Variants in PHACTR2 observed in about 807,000 individuals in gnomAD.
PHACTR2 encodes chromosome 6 open reading frame 56.
Under a neutral mutation model 76.0 loss-of-function variants are expected in PHACTR2, and 30 were observed. The ratio of observed to expected loss-of-function variants is 0.39; its 90% CI spans 0.30 to 0.54. PHACTR2 has a LOEUF of 0.54. Ranked by LOEUF, PHACTR2 falls within the 20% of genes least tolerant of loss-of-function variation. The pLI is 0.61. For missense variants in PHACTR2, 696 were observed against 781.1 expected, an observed-to-expected ratio of 0.89 and a Z score of 1.30; for synonymous variants, 292 against 292.5, an observed-to-expected ratio of 1.00 and a Z score of 0.02.
chr6:143,659,088 C>A lies in PHACTR2; in HGVS notation c.13+50766C>A, dbSNP rs1383014349. Among the ~76,000 whole-genome samples the A allele has an allele frequency of 6.6e-6, 1 of 151,466 alleles. No individual in the cohort carries two copies. The highest frequency in any genetic ancestry group is 1.5e-5 in the Non-Finnish European group (1 of 67,926). On this transcript the variant is annotated intron_variant, in intron 1 of 11. Coordinates refer to the PHACTR2 transcript ENST00000305766. The surrounding 1 kb of genome is among the most constrained non-coding windows in gnomAD (Gnocchi z 5.0). ...GGACACTTACCATGAATGGAGCTTG[C>A]AGGACTGGAGGTTGCCCTAGGTAAG...
intron 1 of PHACTR2, among the ~76,000 whole-genome samples, chr6:143,552,544 G>C (rs965127532): frequency 6.6e-6 from 1 of 152,168 alleles, no homozygotes; most frequent in African/African-American, 2.4e-5. Context: ...ATGATCTTCT[G>C]TGCTCAGACA....
rs1779582561 is a variant in PHACTR2, at chr6:143,767,255, T to C, written c.1232+1457T>C. On this transcript the variant is annotated intron_variant, in intron 6 of 12. Coordinates refer to ENST00000440869, the MANE Select transcript of PHACTR2 (RefSeq NM_001100164.2). The surrounding 1 kb of genome is among the most constrained non-coding windows in gnomAD (Gnocchi z 4.4). Reference sequence around the variant, plus strand: ...AAATAGTTTGCACCAGACTGCCCAGTTGGTGGTGGTGAAGCCAGAATGCAT... The same window carrying C: ...AAATAGTTTGCACCAGACTGCCCAGCTGGTGGTGGTGAAGCCAGAATGCAT... Among the ~76,000 whole-genome samples the C allele has an allele frequency of 6.6e-6, 1 of 152,154 alleles. No homozygotes were observed. The highest frequency in any genetic ancestry group is 2.1e-4 in the South Asian group (1 of 4,824).
rs1175230070 is a variant in PHACTR2 at position 143,627,377 on chromosome 6, T to C, written c.13+19055T>C. ...ATCTTGACTAATTTAAAAAAATTTG[T>C]GGAACACAGATATTTTATACCATTT... On this transcript the variant is annotated intron_variant, in intron 1 of 11. Transcript: ENST00000305766. The surrounding 1 kb of genome is among the most constrained non-coding windows in gnomAD (Gnocchi z 4.3). Among the ~76,000 whole-genome samples, 1 of 152,250 alleles carries C rather than the reference T, an allele frequency of 6.6e-6. No homozygotes were observed. The highest frequency in any genetic ancestry group is 6.5e-5 in the Admixed American group (1 of 15,290).
rs1357340469 is a variant in PHACTR2 at position 143,743,297 on chromosome 6, G to T, written c.215-5688G>T. Among the ~76,000 whole-genome samples, 2 of 152,152 alleles carry T rather than the reference G, an allele frequency of 1.3e-5. No homozygotes were observed. The highest frequency in any genetic ancestry group is 2.9e-5 in the Non-Finnish European group (2 of 68,016). On this transcript the variant is annotated intron_variant, in intron 2 of 12. Coordinates refer to ENST00000440869, the MANE Select transcript of PHACTR2 (RefSeq NM_001100164.2). This position sits in a 1 kb window ranked among gnomAD's most constrained non-coding sequence, Gnocchi z 5.0. ...AAAGTTTGACTTTAACACCAGGCTTGCAAAAAAGAGATGGAAGGAAAGTGA... is the reference window on the plus strand; with the variant it reads ...AAAGTTTGACTTTAACACCAGGCTTTCAAAAAAGAGATGGAAGGAAAGTGA...
intron 1 of PHACTR2, among the ~76,000 whole-genome samples, chr6:143,640,346 A>G (rs947733969): frequency 2.6e-5 from 4 of 152,238 alleles, no homozygotes; most frequent in African/African-American, 9.6e-5. Flanking sequence ...TTCCAGAAGA[A>G]GACACAAAAG....
At position 143,710,266 on chromosome 6, in the gene PHACTR2, C is replaced by A. The variant is rs991149178; in HGVS notation, c.47-1750C>A. 2.6e-5 allele frequency among the ~76,000 whole-genome samples: 4 copies of A among 152,182 alleles called. No individual in the cohort carries two copies. Among genetic ancestry groups the A allele is most frequent in the Non-Finnish European group, 5.9e-5 (4 of 68,042 alleles). ...GCAAAAAGAAAACCCAGGAATCTCA[C>A]CACCGTGTTGTTTCTTGGGTTCTGA... is the stretch of plus-strand genomic sequence containing the variant. On this transcript the variant is annotated intron_variant, in intron 1 of 12. Coordinates refer to ENST00000440869, the MANE Select transcript of PHACTR2 (RefSeq NM_001100164.2). This position sits in a 1 kb window ranked among gnomAD's most constrained non-coding sequence, Gnocchi z 4.9.
rs1403337899 is a variant in PHACTR2, at chr6:143,827,156, ATATATATATATATATATAT to A, written c.*3468_*3486del. On this transcript the variant is annotated 3_prime_UTR_variant, in exon 13 of 13. Transcript: ENST00000440869. The stretch of plus-strand genomic sequence containing the variant: ...GGCTGCGTTGGCATTAAAAAAGAAA[ATATATATATATATATATAT>A]ATATATATATATATATATATATATG... The A allele has an allele frequency of 9.3e-4, 17 of 18,362 alleles. No homozygotes were observed. Among genetic ancestry groups the A allele is most frequent in the Admixed American group, 2.4e-3 (3 of 1,258 alleles). The allele number at this position is 18,362 out of a possible 1,614,324, so 1.1% of individuals were successfully genotyped here.
Position 143,550,387 on chromosome 6 carries a change from A to G in PHACTR2, c.217+13180A>G, listed in dbSNP as rs977843868. Among the ~76,000 whole-genome samples, 2 of 151,964 alleles carry G rather than the reference A, an allele frequency of 1.3e-5. No homozygotes were observed. Among genetic ancestry groups the G allele is most frequent in the African/African-American group, 4.8e-5 (2 of 41,422 alleles). ...TAAGGACTGATTCCTTATAGCACTG[A>G]TGTACCTCAACATCCCATCCATGGA... On this transcript the variant is annotated intron_variant, in intron 1 of 11. Transcript: ENST00000367584. This position sits in a 1 kb window ranked among gnomAD's most constrained non-coding sequence, Gnocchi z 4.8.
chr6:143,652,039 T>A lies in PHACTR2; in HGVS notation c.13+43717T>A, dbSNP rs764448090. ...CATCTTGGATTTCTAGCCTCCAGCC[T>A]GAGAAATTAAAGTTCTGTTGTTTAA... On this transcript the variant is annotated intron_variant, in intron 1 of 11. Coordinates refer to the PHACTR2 transcript ENST00000305766. The surrounding 1 kb of genome is among the most constrained non-coding windows in gnomAD (Gnocchi z 4.5). Among the ~76,000 whole-genome samples the A allele has an allele frequency of 2.1e-5, 3 of 145,738 alleles. No individual in the cohort carries two copies. The highest frequency in any genetic ancestry group is 4.5e-5 in the Non-Finnish European group (3 of 66,918).
intron 1 of PHACTR2, among the ~76,000 whole-genome samples, chr6:143,565,654 G>A (rs1775353899): frequency 6.6e-6 from 1 of 152,016 alleles, no homozygotes; most frequent in South Asian, 2.1e-4. Context: ...CATGGAGCAG[G>A]GGCATTAGGT....
At chr6:143,768,812 A>C (rs1299776047) in intron 6 of PHACTR2, among the ~76,000 whole-genome samples, 1 of 152,200 alleles carries the variant, frequency 6.6e-6, no homozygotes, top group African/African-American at 2.4e-5. Context: ...GGTAGTTATA[A>C]TGCTTTCCTA....
chr6:143,640,821 C>A (rs1776551118), intron 1 of PHACTR2, among the ~76,000 whole-genome samples: 1 of 152,080 alleles, frequency 6.6e-6, no homozygotes, highest in African/African-American at 2.4e-5. Context: ...AAAAAAAGAC[C>A]TTTACAGGTG....
In PHACTR2 at chr6:143,788,232, T is replaced by C. The variant is rs549566034; in HGVS notation, c.1708-541T>C. ...TTTCTGGCCAAGGGCATGTGTCTGATTGGGGTCTTGTCCTTATTATGAATA... is the reference window on the plus strand; with the variant it reads ...TTTCTGGCCAAGGGCATGTGTCTGACTGGGGTCTTGTCCTTATTATGAATA... On this transcript the variant is annotated intron_variant, in intron 10 of 12. Coordinates refer to ENST00000440869, the MANE Select transcript of PHACTR2 (RefSeq NM_001100164.2). Among the ~76,000 whole-genome samples the C allele has an allele frequency of 3.9e-5, 6 of 152,358 alleles. No individual in the cohort carries two copies. The South Asian group carries it at 1.0e-3, about 26-fold the overall frequency.
At position 143,823,617 on chromosome 6, in the gene PHACTR2, C is replaced by G; in HGVS notation, c.1923-57C>G. The G allele has an allele frequency of 7.0e-7, 1 of 1,434,396 alleles. No homozygotes were observed. Among genetic ancestry groups the G allele is most frequent in the Non-Finnish European group, 9.8e-7 (1 of 1,017,850 alleles). 88.9% of individuals were successfully genotyped at this position (1,434,396 alleles called of 1,614,324 possible). ...ACATGACCACGCCTTATTCAGCTCA[C>G]TGCATGCAGAATGTGCTCCTAGGCC... On this transcript the variant is annotated intron_variant, in intron 12 of 12. Transcript: ENST00000440869. The surrounding 1 kb of genome is among the most constrained non-coding windows in gnomAD (Gnocchi z 5.7).
rs2128460197 is a variant in PHACTR2 at position 143,708,351 on chromosome 6, T to C, written c.47-3665T>C. Among the ~76,000 whole-genome samples the C allele has an allele frequency of 6.6e-6, 1 of 152,352 alleles. No homozygotes were observed. Among genetic ancestry groups the C allele is most frequent in the African/African-American group, 2.4e-5 (1 of 41,586 alleles). ...TCTACATTTGATTAGCTAATGACTGTATTTCAAAATATGCTGTGTTTTAAA... is the reference window on the plus strand; with the variant it reads ...TCTACATTTGATTAGCTAATGACTGCATTTCAAAATATGCTGTGTTTTAAA... On this transcript the variant is annotated intron_variant, in intron 1 of 12. Transcript: ENST00000440869. The surrounding 1 kb of genome is among the most constrained non-coding windows in gnomAD (Gnocchi z 5.5).
intron 1 of PHACTR2, among the ~76,000 whole-genome samples, chr6:143,692,182 G>A (rs896581788): frequency 2.0e-5 from 3 of 152,184 alleles, no homozygotes; most frequent in Non-Finnish European, 4.4e-5. Flanking sequence ...TCTGACAACA[G>A]CTGGGTGGCT....
At chr6:143,563,258 G>A (rs577600010) in intron 1 of PHACTR2, among the ~76,000 whole-genome samples, 1 of 152,238 alleles carries the variant, frequency 6.6e-6, no homozygotes, top group South Asian at 2.1e-4. Context: ...GTGTGAGACA[G>A]GGCACTATAG....
chr6:143,743,142 G>A lies in PHACTR2; in HGVS notation c.215-5843G>A, dbSNP rs1013401054. ...TCTCCATGCAGAGCTACTGTGTGAA[G>A]AGAACTTAACATTTTAGGGTAGATT... On this transcript the variant is annotated intron_variant, in intron 2 of 12. Coordinates refer to ENST00000440869, the MANE Select transcript of PHACTR2 (RefSeq NM_001100164.2). The surrounding 1 kb of genome is among the most constrained non-coding windows in gnomAD (Gnocchi z 5.0). 1.3e-5 allele frequency among the ~76,000 whole-genome samples: 2 copies of A among 152,196 alleles called. No homozygotes were observed. The highest frequency in any genetic ancestry group is 4.8e-5 in the African/African-American group (2 of 41,454).
chr6:143,710,658 C>T lies in PHACTR2; in HGVS notation c.47-1358C>T, dbSNP rs1178134516. On this transcript the variant is annotated intron_variant, in intron 1 of 12. Coordinates refer to ENST00000440869, the MANE Select transcript of PHACTR2 (RefSeq NM_001100164.2). The surrounding 1 kb of genome is among the most constrained non-coding windows in gnomAD (Gnocchi z 4.9). ...GTTGCAGTGAGCTGAGATCGCGCCA[C>T]TGCACTCCAGCCTGGGCGACAGAGC... 2.0e-5 allele frequency among the ~76,000 whole-genome samples: 3 copies of T among 152,200 alleles called. No individual in the cohort carries two copies. Among genetic ancestry groups the T allele is most frequent in the African/African-American group, 7.2e-5 (3 of 41,448 alleles).
Sources: gnomAD v4.1 joint callset for allele counts (sites outside exome capture counted in the v4.1 genomes callset) on GRCh38, gnomAD v4.1.1 for gene constraint, Gnocchi (gnomAD v3.1) non-coding constraint, MANE v1.5 for transcripts, NCBI Gene and HGNC (gene_info 2026-07-23, HGNC 2026-07-21) for gene names.